Variants in TBL1Y observed in about 807,000 individuals in gnomAD.
TBL1Y encodes transducin beta like 1 Y-linked, also known as F-box-like/WD repeat-containing protein TBL1Y.
TBL1Y carries 15 observed loss-of-function variants against 12.0 expected under a neutral mutation model. The ratio of observed to expected loss-of-function variants is 1.25; its 90% CI spans 0.83 to 1.92. The LOEUF (loss-of-function observed/expected upper bound fraction) is 1.92, where lower values mean the gene tolerates loss of function less well. Ranked by LOEUF, TBL1Y falls within the 40% of genes most tolerant of loss-of-function variation. The probability of loss-of-function intolerance (pLI) is 0.00; values close to 1 mark genes in which losing one functional copy is unlikely to be tolerated. For synonymous variants in TBL1Y, 53 were observed against 42.6 expected (o/e 1.24, Z -0.95); for missense variants, 148 against 116.7 (o/e 1.27, Z -1.24).
chrY:7,059,027 T>G, intron 7 of TBL1Y, among the ~76,000 whole-genome samples: 1 of 33,230 alleles, frequency 3.0e-5, no homozygotes, highest in Non-Finnish European at 7.4e-5. Flanking sequence ...GCAGTCCATT[T>G]TTGCTCTTTA....
chrY:7,039,502 T>G, intron 6 of TBL1Y, among the ~76,000 whole-genome samples: 1 of 32,930 alleles, frequency 3.0e-5, no homozygotes, highest in East Asian at 8.2e-4. Flanking sequence ...AGTGAAGCCC[T>G]CATGCCTTAA....
intron 7 of TBL1Y, among the ~76,000 whole-genome samples, chrY:7,062,878 C>A (rs2012888989): frequency 3.0e-5 from 1 of 33,875 alleles, no homozygotes; most frequent in South Asian, 6.7e-4. Flanking sequence ...CTTCACTGAA[C>A]CCCCTGCGGC....
chrY:6,959,157 C>A lies in TBL1Y; in HGVS notation c.-265-19056C>A, dbSNP rs988663037. On this transcript the variant is annotated intron_variant, in intron 2 of 18. Coordinates refer to ENST00000383032, the MANE Select transcript of TBL1Y (RefSeq NM_033284.2). ...ACTAGAGAATGGCAATGACTTTTACCAAGTATACTGCTTGTAAACATTTTG... is the reference window on the plus strand; with the variant it reads ...ACTAGAGAATGGCAATGACTTTTACAAAGTATACTGCTTGTAAACATTTTG... 2.1e-4 allele frequency among the ~76,000 whole-genome samples: 7 copies of A among 33,407 alleles called. No individual in the cohort carries two copies. In the East Asian group the frequency reaches 4.0e-3, roughly 19 times the overall value. 89.6% of individuals were successfully genotyped at this position (33,407 alleles called of 37,273 possible). A position where few individuals can be genotyped will look rare whatever the true frequency, so the allele number is the denominator to read the frequency against.
chrY:6,954,137 G>A (rs2012051944), intron 2 of TBL1Y, among the ~76,000 whole-genome samples: 2 of 34,089 alleles, frequency 5.9e-5, no homozygotes, highest in Non-Finnish European at 1.5e-4. Context: ...CCACTTGAGG[G>A]GGCAGTCTGT....
At chrY:6,964,758 T>C (rs2012157025) in intron 2 of TBL1Y, among the ~76,000 whole-genome samples, 1 of 32,643 alleles carries the variant, frequency 3.1e-5, no homozygotes, top group Non-Finnish European at 7.5e-5. Context: ...TCATATCTTT[T>C]AACATTTTCA....
intron 6 of TBL1Y, among the ~76,000 whole-genome samples, chrY:7,033,463 A>G: frequency 3.0e-5 from 1 of 33,438 alleles, no homozygotes; most frequent in Admixed American, 2.7e-4. Flanking sequence ...AAAAGAGAGA[A>G]TCCTTCCTAA....
chrY:6,973,237 GCCCCTCCTCATCATCTTC>G (rs2012218915), intron 2 of TBL1Y, among the ~76,000 whole-genome samples: 4 of 32,700 alleles, frequency 1.2e-4, no homozygotes. Context: ...TCTTCCCTCT[GCCCCTCCTCATCATCTTC>G]CCCCATTCCG....
intron 4 of TBL1Y, among the ~76,000 whole-genome samples, chrY:7,005,689 C>A: frequency 3.0e-5 from 1 of 33,117 alleles, no homozygotes; most frequent in Non-Finnish European, 7.4e-5. Flanking sequence ...TCCTATCGTG[C>A]CTATTAAGGA....
In TBL1Y at chrY:7,087,349, G is replaced by C. The variant is rs376644298; in HGVS notation, c.1363G>C (p.Val455Leu). 2.5e-6 allele frequency: 1 copy of C among 395,822 alleles called. No individual in the cohort carries two copies. The highest frequency in any genetic ancestry group is 3.5e-6 in the Non-Finnish European group (1 of 282,441). ...THTLMKHQEP[V>L]YSVAFSPDGK... is the part of the protein sequence containing the mutation. The stretch of plus-strand genomic sequence containing the variant: ...CACACTCATGAAGCATCAAGAGCCT[G>C]TCTACAGTGTAGCTTTCAGCCCCGA... Residue 455 changes from valine to leucine, a missense_variant, in exon 17 of 19, where the codon GTC (valine) becomes CTC (leucine). Coordinates refer to ENST00000383032, the MANE Select transcript of TBL1Y (RefSeq NM_033284.2).
At chrY:6,958,137 G>T in intron 2 of TBL1Y, among the ~76,000 whole-genome samples, 1 of 33,618 alleles carries the variant, frequency 3.0e-5, no homozygotes, top group Admixed American at 2.7e-4. Context: ...AAAATGTTTT[G>T]GTAAATGGAA....
intron 3 of TBL1Y, among the ~76,000 whole-genome samples, chrY:6,994,972 A>G (rs767156168): frequency 3.0e-5 from 1 of 33,612 alleles, no homozygotes; most frequent in Admixed American, 2.7e-4. Context: ...TTTGGAGACC[A>G]GAAATGAAGA....
chrY:6,964,548 A>G (rs2012154786), intron 2 of TBL1Y, among the ~76,000 whole-genome samples: 1 of 33,365 alleles, frequency 3.0e-5, no homozygotes, highest in African/African-American at 1.2e-4. Context: ...GGACAACAGG[A>G]TAAGTAGCCT....
intron 4 of TBL1Y, among the ~76,000 whole-genome samples, chrY:7,009,164 C>T (rs2012503282): frequency 3.0e-5 from 1 of 33,898 alleles, no homozygotes; most frequent in Non-Finnish European, 7.3e-5. Flanking sequence ...AATCAGAATT[C>T]TTACAAGCAT....
At chrY:6,914,327 C>T in intron 2 of TBL1Y, among the ~76,000 whole-genome samples, 1 of 31,969 alleles carries the variant, frequency 3.1e-5, no homozygotes, top group Admixed American at 2.9e-4. Flanking sequence ...GTGGTGAGCA[C>T]ACATCTGCGC....
At chrY:7,037,907 C>T in intron 6 of TBL1Y, among the ~76,000 whole-genome samples, 1 of 34,367 alleles carries the variant, frequency 2.9e-5, no homozygotes, top group South Asian at 6.4e-4. Context: ...ACCAGCACGA[C>T]AGCTGCCTGA....
At chrY:6,988,521 G>T in intron 3 of TBL1Y, among the ~76,000 whole-genome samples, 2 of 30,790 alleles carry the variant, frequency 6.5e-5, no homozygotes, top group East Asian at 1.7e-3. Flanking sequence ...TTAGCTGGGC[G>T]TGGAGGTGCG....
chrY:7,073,443 TTCTCTCTC>T (rs1448325498), intron 12 of TBL1Y, among the ~76,000 whole-genome samples: 12 of 28,428 alleles, frequency 4.2e-4, no homozygotes, highest in South Asian at 9.3e-4. Flanking sequence ...CATAAGGTCT[TTCTCTCTC>T]TCTCTCTCTC....
intron 4 of TBL1Y, among the ~76,000 whole-genome samples, chrY:7,011,762 G>A: frequency 2.9e-5 from 1 of 33,979 alleles, no homozygotes; most frequent in Non-Finnish European, 7.3e-5. Context: ...TGCATTACGA[G>A]TGCGCAGCTG....
intron 6 of TBL1Y, among the ~76,000 whole-genome samples, chrY:7,033,614 A>G: frequency 3.0e-5 from 1 of 33,508 alleles, no homozygotes; most frequent in African/African-American, 1.2e-4. Context: ...CCAGCAGTAC[A>G]TCAAAAAGCT....
Sources: gnomAD v4.1 joint callset for allele counts (sites outside exome capture counted in the v4.1 genomes callset) on GRCh38, gnomAD v4.1.1 for gene constraint, MANE v1.5 for transcripts, NCBI Gene and HGNC (gene_info 2026-07-23, HGNC 2026-07-21) for gene names.